Variants in XRCC4 observed in about 807,000 individuals in gnomAD.
XRCC4 encodes X-ray repair cross complementing 4, also known as DNA repair protein XRCC4.
Under a neutral mutation model 39.1 loss-of-function variants are expected in XRCC4, and 28 were observed. The ratio of observed to expected loss-of-function variants is 0.72; its 90% confidence interval spans 0.53 to 0.98. The LOEUF (loss-of-function observed/expected upper bound fraction) is 0.98, where lower values mean the gene tolerates loss of function less well. Among genes scored for constraint, XRCC4 ranks in the 50% least tolerant of loss-of-function variants. The probability of loss-of-function intolerance (pLI) is 0.00; values close to 1 mark genes in which losing one functional copy is unlikely to be tolerated. For missense variants in XRCC4, 350 were observed against 376.4 expected (o/e 0.93, Z 0.58); for synonymous variants, 123 against 126.4 (o/e 0.97, Z 0.18).
intron 3 of XRCC4, among the ~76,000 whole-genome samples, chr5:83,115,786 G>C (rs1310226109): frequency 1.3e-5 from 2 of 152,320 alleles, no homozygotes; most frequent in South Asian, 2.1e-4. Flanking sequence ...TGGTTCCCCA[G>C]AGAATGTCTT....
chr5:83,080,498 C>T (rs544012634), intron 1 of XRCC4, among the ~76,000 whole-genome samples: 80 of 148,734 alleles, frequency 5.4e-4, no homozygotes, highest in South Asian at 3.6e-3. Flanking sequence ...TGTACTCCTG[C>T]GTGGGCAACA....
chr5:83,098,135 G>A (rs1050594740), intron 1 of XRCC4, among the ~76,000 whole-genome samples: 1 of 152,022 alleles, frequency 6.6e-6, no homozygotes, highest in African/African-American at 2.4e-5. Flanking sequence ...TATGATATTT[G>A]GAATGGCAGC....
chr5:83,282,421 GA>G (rs940967646), intron 7 of XRCC4, among the ~76,000 whole-genome samples: 2 of 152,026 alleles, frequency 1.3e-5, no homozygotes, highest in Admixed American at 1.3e-4. Flanking sequence ...GGAGTGTGTT[GA>G]TAACCATGTC....
intron 3 of XRCC4, among the ~76,000 whole-genome samples, chr5:83,141,098 G>A (rs1423352440): frequency 6.6e-6 from 1 of 152,148 alleles, no homozygotes; most frequent in Non-Finnish European, 1.5e-5. Context: ...TTTTTACATA[G>A]CAATGTATTC....
At chr5:83,272,660 T>C (rs540924945) in intron 7 of XRCC4, among the ~76,000 whole-genome samples, 3 of 152,286 alleles carry the variant, frequency 2.0e-5, no homozygotes, top group Admixed American at 6.5e-5. Flanking sequence ...CTCCCACTTA[T>C]GAGTCAGAAC....
At chr5:83,095,536 T>A (rs908701619) in intron 1 of XRCC4, among the ~76,000 whole-genome samples, 1 of 152,174 alleles carries the variant, frequency 6.6e-6, no homozygotes, top group Non-Finnish European at 1.5e-5. Flanking sequence ...GCTGAGGATC[T>A]GTTGTGGGAT....
intron 3 of XRCC4, among the ~76,000 whole-genome samples, chr5:83,176,552 C>G (rs1455461977): frequency 6.6e-6 from 1 of 152,002 alleles, no homozygotes; most frequent in Non-Finnish European, 1.5e-5. Flanking sequence ...CAATGCCTCC[C>G]TTTCCTGGGC....
At chr5:83,164,327 AAAT>A (rs1378219965) in intron 3 of XRCC4, among the ~76,000 whole-genome samples, 2 of 152,174 alleles carry the variant, frequency 1.3e-5, no homozygotes, top group African/African-American at 2.4e-5. Flanking sequence ...TGCATCTTTT[AAAT>A]AATAATATTT....
chr5:83,111,895 T>C (rs929787899), intron 3 of XRCC4, among the ~76,000 whole-genome samples: 1 of 152,138 alleles, frequency 6.6e-6, no homozygotes, highest in African/African-American at 2.4e-5. Context: ...ATGAGATCTA[T>C]CATTTCTGAA....
rs114444987 is a variant in XRCC4 at position 83,172,090 on chromosome 5, A to G, written c.316-23680A>G. ...AAGGACAATACATAGTAGTACTATG[A>G]TGGTACAGTGGGTGGTGGAGAACCT... On this transcript the variant is annotated intron_variant, in intron 3 of 7. Coordinates refer to ENST00000396027, the MANE Select transcript of XRCC4 (RefSeq NM_003401.5). 3.2e-3 allele frequency among the ~76,000 whole-genome samples: 492 copies of G among 152,274 alleles called. 2 individuals are homozygous for G. The highest frequency in any genetic ancestry group is 0.011 in the African/African-American group (469 of 41,558).
intron 3 of XRCC4, among the ~76,000 whole-genome samples, chr5:83,151,964 G>A (rs1480626788): frequency 1.3e-5 from 2 of 152,166 alleles, no homozygotes; most frequent in Non-Finnish European, 2.9e-5. Context: ...ACAGACTTGG[G>A]ACTTTAGCCC....
In XRCC4 at chr5:83,131,632, A is replaced by G. The variant is rs560307962; in HGVS notation, c.315+20429A>G. Among the ~76,000 whole-genome samples the G allele has an allele frequency of 7.5e-4, 114 of 152,142 alleles. 1 individual carries two copies. The South Asian group carries it at 0.024, about 32-fold the overall frequency. ...GAATTGGTGCCTTTACCATTATGTA[A>G]TGGCCTTCTTTGTCTCTTTTGATCT... On this transcript the variant is annotated intron_variant, in intron 3 of 7. Transcript: ENST00000396027.
intron 3 of XRCC4, among the ~76,000 whole-genome samples, chr5:83,132,999 G>A (rs1212861424): frequency 6.6e-6 from 1 of 152,042 alleles, no homozygotes; most frequent in Admixed American, 6.6e-5. Flanking sequence ...TTCTGCTCTG[G>A]TTTTTCCCCA....
At position 83,258,882 on chromosome 5, in the gene XRCC4, C is replaced by T. The variant is rs1345654679; in HGVS notation, c.893+205C>T. On this transcript the variant is annotated intron_variant, in intron 7 of 7. Coordinates refer to ENST00000396027, the MANE Select transcript of XRCC4 (RefSeq NM_003401.5). Reference sequence around the variant, plus strand: ...ATATTTAAAGCTGAAATGCTGAGAACGTAAGCAAAAATTTTTTTCTCATGG... The same window carrying T: ...ATATTTAAAGCTGAAATGCTGAGAATGTAAGCAAAAATTTTTTTCTCATGG... The T allele has an allele frequency of 1.2e-5, 8 of 641,972 alleles. No individual in the cohort carries two copies. The Admixed American group carries it at 1.6e-4, about 13-fold the overall frequency. The allele number at this position is 641,972 out of a possible 1,614,324, so 39.8% of individuals were successfully genotyped here. A position where few individuals can be genotyped will look rare whatever the true frequency, so the allele number is the denominator to read the frequency against.
At chr5:83,242,943 A>C (rs552947526) in intron 6 of XRCC4, among the ~76,000 whole-genome samples, 1 of 152,350 alleles carries the variant, frequency 6.6e-6, no homozygotes, top group Non-Finnish European at 1.5e-5. Flanking sequence ...AGGATTCAAA[A>C]CCAGGTATCA....
chr5:83,356,874 T>A, downstream of XRCC4: 3 of 317,574 alleles, frequency 9.4e-6, no homozygotes, highest in Non-Finnish European at 1.9e-5. Flanking sequence ...ATGTATAATT[T>A]TTGGCCCTTG....
chr5:83,241,975 A>AGGAGGC (rs1400813826), intron 6 of XRCC4, among the ~76,000 whole-genome samples: 2 of 151,312 alleles, frequency 1.3e-5, no homozygotes, highest in Non-Finnish European at 1.5e-5. Flanking sequence ...GAGGAGGAGG[A>AGGAGGC]GGAGGAGGCG....
intron 3 of XRCC4, among the ~76,000 whole-genome samples, chr5:83,121,489 G>A (rs966019154): frequency 1.3e-5 from 2 of 152,062 alleles, no homozygotes; most frequent in Non-Finnish European, 2.9e-5. Context: ...GTGTGACCAT[G>A]TCTCATATTT....
intron 7 of XRCC4, among the ~76,000 whole-genome samples, chr5:83,302,152 G>T (rs140685752): frequency 6.6e-6 from 1 of 152,088 alleles, no homozygotes. Context: ...GGTTCCGTGC[G>T]GGTGGGATCC....
Sources: allele counts gnomAD v4.1 joint callset (sites outside exome capture counted in the v4.1 genomes callset), GRCh38; gene constraint gnomAD v4.1.1; transcripts MANE v1.5; gene names NCBI Gene and HGNC (gene_info 2026-07-23, HGNC 2026-07-21).